Variants in PDSS1 observed in about 807,000 individuals in gnomAD.
The protein encoded by PDSS1 is all trans-polyprenyl-diphosphate synthase PDSS1.
PDSS1 carries 43 observed loss-of-function variants against 57.5 expected under a neutral mutation model. The ratio of observed to expected loss-of-function variants is 0.75; its 90% CI spans 0.59 to 0.96. The LOEUF (loss-of-function observed/expected upper bound fraction) is 0.96. Ranked by LOEUF, PDSS1 falls within the 50% of genes least tolerant of loss-of-function variation. PDSS1 has a pLI of 0.00. For missense variants in PDSS1, 438 were observed against 527.8 expected (o/e 0.83, Z 1.67); for synonymous variants, 175 against 191.3 (o/e 0.91, Z 0.70).
Position 26,704,738 on chromosome 10 carries a change from C to T in PDSS1, c.224C>T (p.Ser75Leu). Residue 75 changes from serine to leucine, a missense_variant, in exon 3 of 12, where the codon TCA becomes TTA. Ser to Leu is a moderately radical substitution (Grantham distance 145). Coordinates refer to ENST00000376215, the MANE Select transcript of PDSS1 (RefSeq NM_014317.5). ...GCCTGTCCAAATGTATGTCGTATAT[C>T]ACGGTAAGTTTACAGTCCATACTGC... ...TSACPNVCRISRFHHTTPDSK... is the reference protein window; with the variant it reads ...TSACPNVCRILRFHHTTPDSK... 7.1e-7 allele frequency: 1 copy of T among 1,408,200 alleles called. No homozygotes were observed. The highest frequency in any genetic ancestry group is 1.4e-5 in the African/African-American group (1 of 71,116). The allele number at this position is 1,408,200 out of a possible 1,614,324, so 87.2% of individuals were successfully genotyped here.
At chr10:26,722,917 A>G (rs1305504500) in intron 6 of PDSS1, among the ~76,000 whole-genome samples, 1 of 142,788 alleles carries the variant, frequency 7.0e-6, no homozygotes, top group Non-Finnish European at 1.5e-5. Flanking sequence ...TTTTTTGTCT[A>G]GGAATGAGGG....
Position 26,711,584 on chromosome 10 carries a change from C to G in PDSS1, c.467+1816C>G, listed in dbSNP as rs182364507. On this transcript the variant is annotated intron_variant, in intron 5 of 11. Transcript: ENST00000376215. The stretch of plus-strand genomic sequence containing the variant: ...CGGAAGGCAGAGCAGCAAAAACGCT[C>G]CCTCTGAGCCAAACTTGAAATAACA... Among the ~76,000 whole-genome samples, 179 of 99,272 alleles carry G rather than the reference C, an allele frequency of 1.8e-3. 46 individuals are homozygous for G. The East Asian group carries it at 0.038, about 21-fold the overall frequency. The allele number at this position is 99,272 out of a possible 152,430, so 65.1% of individuals were successfully genotyped here. A position where few individuals can be genotyped will look rare whatever the true frequency, so the allele number is the denominator to read the frequency against.
At chr10:26,742,380 T>TA (rs1836650672) in intron 10 of PDSS1, 117 bp from the exon 11 acceptor site, 2 of 772,634 alleles carry the variant, frequency 2.6e-6, no homozygotes, top group South Asian at 2.9e-5. Flanking sequence ...TCTAGACACT[T>TA]AGTTTCATTT....
intron 4 of PDSS1, among the ~76,000 whole-genome samples, chr10:26,706,100 T>C (rs1428973334): frequency 6.6e-6 from 1 of 152,162 alleles, no homozygotes; most frequent in Non-Finnish European, 1.5e-5. Flanking sequence ...CTGAAAACTT[T>C]CAGTAGTTCC....
intron 10 of PDSS1, among the ~76,000 whole-genome samples, chr10:26,737,468 C>T (rs1363482734): frequency 6.6e-6 from 1 of 152,112 alleles, no homozygotes; most frequent in African/African-American, 2.4e-5. Flanking sequence ...GGCGGTGGCT[C>T]ATGCCTGTAA....
At chr10:26,730,963 C>G (rs1836169638) in intron 8 of PDSS1, among the ~76,000 whole-genome samples, 1 of 152,150 alleles carries the variant, frequency 6.6e-6, no homozygotes, top group Admixed American at 6.6e-5. Flanking sequence ...AATCCCAGCA[C>G]TTTGGGAGGC....
chr10:26,700,788 T>C (rs1233443435), intron 1 of PDSS1, among the ~76,000 whole-genome samples: 1 of 152,154 alleles, frequency 6.6e-6, no homozygotes, highest in Non-Finnish European at 1.5e-5. Context: ...CAGTCATGGG[T>C]AATTTCTTTA....
chr10:26,724,690 G>A (rs1835897981), intron 8 of PDSS1, among the ~76,000 whole-genome samples: 2 of 152,016 alleles, frequency 1.3e-5, no homozygotes, highest in South Asian at 4.1e-4. Flanking sequence ...CAATTCTCCT[G>A]CCTCAGCTTC....
chr10:26,699,682 C>T (rs1347165842), intron 1 of PDSS1, among the ~76,000 whole-genome samples: 1 of 152,130 alleles, frequency 6.6e-6, no homozygotes, highest in Non-Finnish European at 1.5e-5. Flanking sequence ...CAGGTGTGAG[C>T]CACCACGCCT....
chr10:26,737,158 A>T (rs557153782), intron 10 of PDSS1, among the ~76,000 whole-genome samples: 1 of 152,300 alleles, frequency 6.6e-6, no homozygotes, highest in South Asian at 2.1e-4. Flanking sequence ...AGTCTATGAG[A>T]AAGTTTTGGT....
In PDSS1 at chr10:26,742,415, T is replaced by C. The variant is rs969253245; in HGVS notation, c.1027-82T>C. ...TTTGTTGTTTCTTGTTATTTCCTAT[T>C]GTTACAAACTAGTGTTAGAACACTT... On this transcript the variant is annotated intron_variant, in intron 10 of 11. Coordinates refer to ENST00000376215, the MANE Select transcript of PDSS1 (RefSeq NM_014317.5). The C allele has an allele frequency of 2.8e-4, 269 of 972,314 alleles. 1 individual carries two copies. Among genetic ancestry groups the C allele is most frequent in the South Asian group, 1.5e-3 (112 of 75,168 alleles). 60.2% of individuals were successfully genotyped at this position (972,314 alleles called of 1,614,324 possible). A position where few individuals can be genotyped will look rare whatever the true frequency, so the allele number is the denominator to read the frequency against.
At chr10:26,742,024 C>A (rs1836632158) in intron 10 of PDSS1, among the ~76,000 whole-genome samples, 2 of 152,120 alleles carry the variant, frequency 1.3e-5, no homozygotes, top group Non-Finnish European at 2.9e-5. Context: ...TACAGGCGTG[C>A]ACCATCATGC....
intron 8 of PDSS1, among the ~76,000 whole-genome samples, chr10:26,725,157 CAA>C (rs1209061130): frequency 6.6e-6 from 1 of 152,176 alleles, no homozygotes; most frequent in Non-Finnish European, 1.5e-5. Flanking sequence ...TACACAGAGA[CAA>C]AACCTGGACA....
intron 4 of PDSS1, among the ~76,000 whole-genome samples, chr10:26,707,529 A>G (rs2132225560): frequency 6.6e-6 from 1 of 152,154 alleles, no homozygotes; most frequent in Middle Eastern, 3.4e-3. Flanking sequence ...ACCATTGGGC[A>G]CTATTGACTG....
intron 9 of PDSS1, 58 bp from the exon 10 acceptor site, chr10:26,735,408 C>T (rs1173696750): frequency 7.2e-6 from 10 of 1,387,268 alleles, no homozygotes; most frequent in Middle Eastern, 1.8e-4. Context: ...ATAGTAAGAA[C>T]GATGGCAGCA....
intron 5 of PDSS1, among the ~76,000 whole-genome samples, chr10:26,716,346 G>T (rs1835576544): frequency 6.6e-6 from 1 of 152,174 alleles, no homozygotes; most frequent in African/African-American, 2.4e-5. Context: ...TTCACTGGTA[G>T]GGTCATTATA....
rs866179018 is a variant in PDSS1, at chr10:26,730,430, C to T, written c.832-4810C>T. On this transcript the variant is annotated intron_variant, in intron 8 of 11. Transcript: ENST00000376215. ...TTTGAGACCAGCCTGGGCAACATGG[C>T]GAAACCTCTGTCTACAAGGAATACA... Among the ~76,000 whole-genome samples the T allele has an allele frequency of 2.0e-4, 30 of 150,766 alleles. 1 individual carries two copies. The highest frequency in any genetic ancestry group is 1.6e-3 in the Admixed American group (25 of 15,192).
chr10:26,714,689 A>G (rs1001856255), intron 5 of PDSS1: 2 of 152,200 alleles, frequency 1.3e-5, no homozygotes, highest in Non-Finnish European at 2.9e-5. Flanking sequence ...AGAAGTGAAT[A>G]TCATTGCCAG....
intron 1 of PDSS1, among the ~76,000 whole-genome samples, chr10:26,701,471 G>A (rs537325747): frequency 7.9e-5 from 12 of 152,318 alleles, no homozygotes; most frequent in African/African-American, 2.9e-4. Context: ...CTGGGACTTG[G>A]TGCCCTGCTT....
Sources: allele counts gnomAD v4.1 joint callset (sites outside exome capture counted in the v4.1 genomes callset), GRCh38; gene constraint gnomAD v4.1.1; transcripts MANE v1.5; gene names NCBI Gene and HGNC (gene_info 2026-07-23, HGNC 2026-07-21).